LARGE1: variants seen among roughly 807,000 people sequenced by gnomAD.
The protein encoded by LARGE1 is LARGE xylosyl- and glucuronyltransferase 1, also known as xylosyl- and glucuronyltransferase LARGE1.
Under a neutral mutation model 87.6 loss-of-function variants are expected in LARGE1, and 43 were observed. The observed-to-expected ratio is 0.49, with a 90% CI of 0.38 to 0.63. The LOEUF is 0.63. LARGE1 is among the 30% of genes least tolerant of loss of function. LARGE1 has a pLI of 0.00. For synonymous variants in LARGE1, 434 were observed against 394.6 expected (o/e 1.10, Z -1.18); for missense variants, 802 against 1,000.2 (o/e 0.80, Z 2.67).
chr22:33,244,326 T>G (rs955972548), intron 11 of LARGE1, among the ~76,000 whole-genome samples: 2 of 152,132 alleles, frequency 1.3e-5, no homozygotes, highest in Non-Finnish European at 2.9e-5. Context: ...ATATTCACTG[T>G]CTAGTTCAAT....
chr22:33,623,137 C>CTT (rs766787763), intron 4 of LARGE1, among the ~76,000 whole-genome samples: 14 of 132,664 alleles, frequency 1.1e-4, no homozygotes, highest in Admixed American at 1.5e-4. Flanking sequence ...AGAAAGTGGG[C>CTT]TTTTTTTTTT....
intron 11 of LARGE1, among the ~76,000 whole-genome samples, chr22:33,195,757 T>C (rs9609744): frequency 0.12 from 3,129 of 26,804 alleles, 50 homozygotes; most frequent in Admixed American, 0.15. Context: ...TTCTTTTTTC[T>C]TTTTTTTTTT....
downstream of LARGE1, among the ~76,000 whole-genome samples, chr22:33,160,698 C>T (rs978459064): frequency 3.3e-5 from 5 of 152,168 alleles, no homozygotes; most frequent in Non-Finnish European, 7.3e-5. Context: ...TGGGAGGTTG[C>T]GTGGAGGCAG....
intron 6 of LARGE1, among the ~76,000 whole-genome samples, chr22:33,494,698 T>C (rs2148316452): frequency 6.6e-6 from 1 of 152,344 alleles, no homozygotes; most frequent in South Asian, 2.1e-4. Flanking sequence ...AAACATGAGG[T>C]TCTGTGAGAT....
At position 33,465,074 on chromosome 22, in the gene LARGE1, T is replaced by C. The variant is rs56380223; in HGVS notation, c.788-32809A>G. Among the ~76,000 whole-genome samples, 690 of 152,328 alleles carry C rather than the reference T, an allele frequency of 4.5e-3. 4 individuals carry two copies. The highest frequency in any genetic ancestry group is 0.016 in the African/African-American group (683 of 41,582). On this transcript the variant is annotated intron_variant, in intron 6 of 14. Coordinates refer to ENST00000397394, the MANE Select transcript of LARGE1 (RefSeq NM_133642.5). ...AAATGGCAAACATCCAAATGTCCTA[T>C]GACAAAAGAATAGATCAATCTAATG...
At chr22:33,104,963 CTCTT>C in the LARGE1 span, among the ~76,000 whole-genome samples, 3,661 of 140,534 alleles carry the variant, frequency 0.026, 125 homozygotes, top group African/African-American at 0.075. Context: ...CTCTCTTTCT[CTCTT>C]TCTTTCTTTC....
At chr22:33,851,324 C>T (rs1390408940) in intron 1 of LARGE1, among the ~76,000 whole-genome samples, 1 of 152,250 alleles carries the variant, frequency 6.6e-6, no homozygotes, top group Non-Finnish European at 1.5e-5. Flanking sequence ...GCTACCTTCT[C>T]TCTACCGCCC....
intron 9 of LARGE1, among the ~76,000 whole-genome samples, chr22:33,366,806 T>C (rs1230512661): frequency 6.6e-6 from 1 of 151,896 alleles, no homozygotes; most frequent in African/African-American, 2.4e-5. Flanking sequence ...AACAGACTAA[T>C]GCACTTTTTT....
intron 12 of LARGE1, 60 bp from the exon 13 acceptor site, chr22:33,283,408 C>T: frequency 6.3e-7 from 1 of 1,594,352 alleles, no homozygotes; most frequent in Admixed American, 1.7e-5. Context: ...AAGGTCTTTC[C>T]CCCATGAGGG....
chr22:33,582,953 GC>G (rs2078565304), intron 5 of LARGE1, among the ~76,000 whole-genome samples: 1 of 152,174 alleles, frequency 6.6e-6, no homozygotes, highest in Admixed American at 6.5e-5. Flanking sequence ...GGGCATTTGT[GC>G]CCCCTGCGGA....
At chr22:33,773,106 CCTT>C (rs1342898913) in intron 1 of LARGE1, among the ~76,000 whole-genome samples, 1 of 152,150 alleles carries the variant, frequency 6.6e-6, no homozygotes, top group Non-Finnish European at 1.5e-5. Context: ...AACTTTCTCT[CCTT>C]CTCCCTGCTC....
chr22:33,637,260 A>G (rs1361717429), intron 3 of LARGE1, among the ~76,000 whole-genome samples: 2 of 152,192 alleles, frequency 1.3e-5, no homozygotes, highest in African/African-American at 2.4e-5. Flanking sequence ...AGACCCTTTC[A>G]TCATTTTTAA....
intron 11 of LARGE1, among the ~76,000 whole-genome samples, chr22:33,234,513 A>C (rs1926156846): frequency 6.6e-6 from 1 of 151,962 alleles, no homozygotes; most frequent in African/African-American, 2.4e-5. Context: ...TATAATAAAA[A>C]AGCAAGTTTT....
At chr22:33,264,889 CTTTTTTTT>C (rs200074908) in intron 11 of LARGE1, among the ~76,000 whole-genome samples, 1 of 74,374 alleles carries the variant, frequency 1.3e-5, no homozygotes, top group Admixed American at 2.2e-4. Context: ...TGATCAAATT[CTTTTTTTT>C]TTTTTTTTTT....
intron 5 of LARGE1, among the ~76,000 whole-genome samples, chr22:33,566,235 C>G (rs61362055): frequency 1.3e-3 from 202 of 152,308 alleles, no homozygotes; most frequent in African/African-American, 4.7e-3. Context: ...ACAATTAATT[C>G]AAACATGATA....
Position 33,272,750 on chromosome 22 carries a change from G to T in LARGE1, c.*1677C>A, listed in dbSNP as rs1928403845. On this transcript the variant is annotated 3_prime_UTR_variant, in exon 15 of 15. Transcript: ENST00000397394. ...GATCTCACAAACCGGATTGCTATAG[G>T]GTCCCACATGACTACCAGGCCCAAG... 1 of 152,028 alleles carries T rather than the reference G, an allele frequency of 6.6e-6. No homozygotes were observed. Among genetic ancestry groups the T allele is most frequent in the Non-Finnish European group, 1.5e-5 (1 of 68,006 alleles). 9.4% of individuals were successfully genotyped at this position (152,028 alleles called of 1,614,324 possible). A position where few individuals can be genotyped will look rare whatever the true frequency, so the allele number is the denominator to read the frequency against.
chr22:33,601,394 C>T (rs2079109335), intron 5 of LARGE1, among the ~76,000 whole-genome samples: 1 of 152,062 alleles, frequency 6.6e-6, no homozygotes, highest in African/African-American at 2.4e-5. Context: ...TCCAGAACAG[C>T]AACTAAGCAG....
chr22:33,604,547 A>G lies in LARGE1; in HGVS notation c.503T>C (p.Leu168Pro), dbSNP rs1285085271. Residue 168 changes from leucine to proline, a missense_variant, in exon 5 of 15, where the codon CTG becomes CCG. This residue lies in a region of LARGE1 where 625 missense variants were observed against 841.9 expected (regional missense o/e 0.74). Transcript: ENST00000397394. ...KSVLFHRRNP[L>P]HFHLIADSIA... Reference sequence around the variant, plus strand: ...GGAGTCAGCAATAAGGTGGAAGTGCAGAGGGTTCCGTCTGTGGGGAGTGTG... The same window carrying G: ...GGAGTCAGCAATAAGGTGGAAGTGCGGAGGGTTCCGTCTGTGGGGAGTGTG... 6.2e-7 allele frequency: 1 copy of G among 1,614,032 alleles called. No individual in the cohort carries two copies. Among genetic ancestry groups the G allele is most frequent in the South Asian group, 1.1e-5 (1 of 91,078 alleles).
chr22:33,381,809 C>T (rs78374444), intron 9 of LARGE1, 110 bp downstream of exon 9: 1 of 1,402,734 alleles, frequency 7.1e-7, no homozygotes, highest in Non-Finnish European at 1.0e-6. Flanking sequence ...CTCCTGTGCC[C>T]TTATCTCTCT....
Sources: gnomAD v4.1 joint callset for allele counts (sites outside exome capture counted in the v4.1 genomes callset) on GRCh38, gnomAD v4.1.1 for gene constraint, gnomAD v4.1.1 regional missense constraint, MANE v1.5 for transcripts, NCBI Gene and HGNC (gene_info 2026-07-23, HGNC 2026-07-21) for gene names.